FDFT1: variants seen among roughly 807,000 people sequenced by gnomAD.
FDFT1 encodes farnesyl-diphosphate farnesyltransferase 1.
Under a neutral mutation model 46.8 loss-of-function variants are expected in FDFT1, and 68 were observed. The ratio of observed to expected loss-of-function variants is 1.45; its 90% CI spans 1.19 to 1.78. FDFT1 has a LOEUF of 1.78. Ranked by LOEUF, FDFT1 falls within the 40% of genes most tolerant of loss-of-function variation. FDFT1 has a pLI of 0.00. For synonymous variants in FDFT1, 351 were observed against 185.1 expected (o/e 1.90, Z -7.28); for missense variants, 928 against 524.4 (o/e 1.77, Z -7.52).
intron 1 of FDFT1, 63 bp from the exon 2 acceptor site, chr8:11,808,726 ACTCCC>A (rs2130716814): frequency 6.4e-7 from 1 of 1,561,322 alleles, no homozygotes; most frequent in Non-Finnish European, 8.6e-7. Flanking sequence ...TCCCACTCCC[ACTCCC>A]ACTCCCACTC....
intron 7 of FDFT1, among the ~76,000 whole-genome samples, chr8:11,834,741 A>T (rs956367218): frequency 1.3e-5 from 2 of 152,240 alleles, no homozygotes; most frequent in African/African-American, 2.4e-5. Flanking sequence ...TGGAAGTACC[A>T]CATGGACTCA....
intron 1 of FDFT1, among the ~76,000 whole-genome samples, chr8:11,804,368 G>A (rs190002161): frequency 6.6e-6 from 1 of 152,066 alleles, no homozygotes; most frequent in South Asian, 2.1e-4. Context: ...ATGGTAAGTG[G>A]GTAGAGAAAG....
intron 3 of FDFT1, among the ~76,000 whole-genome samples, chr8:11,816,923 A>G (rs189372642): frequency 6.6e-6 from 1 of 152,324 alleles, no homozygotes; most frequent in East Asian, 1.9e-4. Context: ...GAGTGGTGAG[A>G]GGACGGCATC....
intron 3 of FDFT1, among the ~76,000 whole-genome samples, chr8:11,810,673 T>G (rs1264329862): frequency 6.6e-6 from 1 of 152,236 alleles, no homozygotes; most frequent in Non-Finnish European, 1.5e-5. Flanking sequence ...CCTACTATCC[T>G]AGAATTCGCA....
upstream of FDFT1, among the ~76,000 whole-genome samples, chr8:11,801,025 C>T (rs978254994): frequency 1.3e-5 from 2 of 152,010 alleles, no homozygotes; most frequent in Admixed American, 6.6e-5. Flanking sequence ...GCAAGTAGAC[C>T]CCCACTGGGA....
chr8:11,838,453 C>G lies in FDFT1; in HGVS notation c.1098C>G (p.Ile366Met). ...AAACAAGGCAGATCATCTCCACCAT[C>G]CGGACGCAGAATCTTCCCAACTGTC... ...SSKTRQIIST[I>M]RTQNLPNCQL... The change falls in exon 8 of 8, where the codon ATC becomes ATG. Residue 366 changes from isoleucine (I) to methionine (M), a missense_variant. By Grantham distance (10) the Ile-to-Met change is conservative. Transcript: ENST00000220584. The G allele has an allele frequency of 1.9e-6, 3 of 1,608,786 alleles. No individual in the cohort carries two copies. Among genetic ancestry groups the G allele is most frequent in the Non-Finnish European group, 2.5e-6 (3 of 1,176,970 alleles).
At chr8:11,798,072 G>GTGTTTTTATTTT (rs57999850), upstream of FDFT1, 26,471 of 152,046 alleles carry the variant, frequency 0.17, 2,363 homozygotes, top group East Asian at 0.31. Context: ...AATCAAGTGT[G>GTGTTTTTATTTT]TGTTTTTATT....
chr8:11,827,168 C>T (rs559435076), intron 5 of FDFT1, among the ~76,000 whole-genome samples: 168 of 152,238 alleles, frequency 1.1e-3, no homozygotes, highest in African/African-American at 2.8e-3. Context: ...CAGCCAAGTA[C>T]TTTAAAGTTT....
intron 7 of FDFT1, among the ~76,000 whole-genome samples, chr8:11,836,963 G>C (rs1214215328): frequency 1.3e-5 from 2 of 152,266 alleles, no homozygotes; most frequent in African/African-American, 4.8e-5. Context: ...AGTAGGTGCG[G>C]TGTAGTCAGG....
At position 11,826,012 on chromosome 8, in the gene FDFT1, C is replaced by A; in HGVS notation, c.511-12C>A. 6.6e-7 allele frequency: 1 copy of A among 1,506,114 alleles called. No homozygotes were observed. Among genetic ancestry groups the A allele is most frequent in the Non-Finnish European group, 9.0e-7 (1 of 1,113,890 alleles). The allele number at this position is 1,506,114 out of a possible 1,614,324, so 93.3% of individuals were successfully genotyped here. ...TCCATTATTAAAGTGCTTTAAAAAT[C>A]GTCTCTTACAGTACTGCCACTATGT... On this transcript the variant is annotated splice_polypyrimidine_tract_variant and intron_variant, in intron 4 of 7. Transcript: ENST00000220584.
At chr8:11,819,249 A>G (rs866928307) in intron 3 of FDFT1, among the ~76,000 whole-genome samples, 38 of 152,326 alleles carry the variant, frequency 2.5e-4, no homozygotes, top group African/African-American at 7.0e-4. Context: ...CTTTGTGGGT[A>G]ACCCGACCTT....
chr8:11,828,522 C>G (rs1422727257), intron 5 of FDFT1, among the ~76,000 whole-genome samples: 1 of 152,162 alleles, frequency 6.6e-6, no homozygotes, highest in African/African-American at 2.4e-5. Context: ...CTAGGCCAGC[C>G]CCTGACCACT....
chr8:11,809,707 GAC>G lies in FDFT1; in HGVS notation c.243_244del (p.Leu82GlyfsTer3), dbSNP rs1291821924. ...CIFYLVLRAL[D>X]TLEDDMTISV... The stretch of plus-strand genomic sequence containing the variant: ...ATTTTATCTGGTTCTCCGAGCTCTG[GAC>G]ACACTGGAAGATGACATGACCATCA... On this transcript the variant is annotated frameshift_variant, in exon 3 of 8. Transcript: ENST00000220584. LOFTEE classifies it high-confidence loss of function. The G allele has an allele frequency of 6.2e-7, 1 of 1,614,050 alleles. No individual in the cohort carries two copies. Among genetic ancestry groups the G allele is most frequent in the African/African-American group, 1.3e-5 (1 of 75,038 alleles).
upstream of FDFT1, among the ~76,000 whole-genome samples, chr8:11,799,503 C>G (rs116165123): frequency 6.6e-6 from 1 of 152,198 alleles, no homozygotes; most frequent in African/African-American, 2.4e-5. Flanking sequence ...ATCTTATTGC[C>G]ACAGAGTCTG....
At chr8:11,831,822 A>G in intron 7 of FDFT1, 152 bp downstream of exon 7, 1 of 687,562 alleles carries the variant, frequency 1.5e-6, no homozygotes, top group South Asian at 1.8e-5. Flanking sequence ...ATAAGGAAAA[A>G]AGTCTATTCA....
chr8:11,822,706 C>T (rs1563324244), intron 4 of FDFT1, among the ~76,000 whole-genome samples: 1 of 152,046 alleles, frequency 6.6e-6, no homozygotes, highest in Non-Finnish European at 1.5e-5. Context: ...CCCAGCTACT[C>T]TGGAGGCTGA....
intron 4 of FDFT1, among the ~76,000 whole-genome samples, chr8:11,822,360 A>C (rs1323915348): frequency 6.6e-6 from 1 of 152,242 alleles, no homozygotes; most frequent in Admixed American, 6.5e-5. Flanking sequence ...AGGATCTCCG[A>C]AAAGATGCTG....
At chr8:11,812,956 C>A (rs1458597245) in intron 3 of FDFT1, among the ~76,000 whole-genome samples, 1 of 152,182 alleles carries the variant, frequency 6.6e-6, no homozygotes, top group East Asian at 1.9e-4. Flanking sequence ...TTTCATCATT[C>A]TGTGAACATC....
At chr8:11,817,402 T>C (rs964910471) in intron 3 of FDFT1, among the ~76,000 whole-genome samples, 1 of 152,190 alleles carries the variant, frequency 6.6e-6, no homozygotes, top group Admixed American at 6.5e-5. Flanking sequence ...TTAGGGAGGA[T>C]TCCCTCTTTT....
Sources: allele counts gnomAD v4.1 joint callset (sites outside exome capture counted in the v4.1 genomes callset), GRCh38; gene constraint gnomAD v4.1.1; transcripts MANE v1.5; gene names NCBI Gene and HGNC (gene_info 2026-07-23, HGNC 2026-07-21).